Variants in EXOC2 observed in about 807,000 individuals in gnomAD.
The protein encoded by EXOC2 is SEC5-like 1.
In EXOC2, 70 loss-of-function variants were observed where a neutral mutation model predicts 131.8. That is an observed-to-expected ratio of 0.53 (90% CI 0.44 to 0.65). EXOC2 has a LOEUF of 0.65. EXOC2 is among the 30% of genes least tolerant of loss of function. EXOC2 has a pLI of 0.00. For missense variants in EXOC2, 923 were observed against 1,108.6 expected, an observed-to-expected ratio of 0.83 and a Z score of 2.38; for synonymous variants, 411 against 398.4, an observed-to-expected ratio of 1.03 and a Z score of -0.38.
intron 1 of EXOC2, among the ~76,000 whole-genome samples, chr6:680,567 T>C (rs1396494538): frequency 1.3e-5 from 2 of 152,080 alleles, no homozygotes; most frequent in Non-Finnish European, 2.9e-5. Flanking sequence ...CCACACAGAA[T>C]AGCCCACTTC....
At chr6:562,159 G>C (rs928788285) in intron 17 of EXOC2, among the ~76,000 whole-genome samples, 1 of 152,246 alleles carries the variant, frequency 6.6e-6, no homozygotes, top group Non-Finnish European at 1.5e-5. Flanking sequence ...ACGCTGCCAG[G>C]CTGCTGTGAG....
At chr6:644,444 CAT>C (rs1324764941) in intron 1 of EXOC2, among the ~76,000 whole-genome samples, 1 of 152,070 alleles carries the variant, frequency 6.6e-6, no homozygotes, top group East Asian at 1.9e-4. Flanking sequence ...CGAACAGTAA[CAT>C]AGAAAAGATA....
At chr6:626,452 G>A (rs928665856) in intron 4 of EXOC2, among the ~76,000 whole-genome samples, 2 of 152,124 alleles carry the variant, frequency 1.3e-5, no homozygotes, top group Non-Finnish European at 2.9e-5. Flanking sequence ...GACACCACAC[G>A]CAGGGCCCCT....
At chr6:592,772 T>C (rs1023065730) in intron 10 of EXOC2, among the ~76,000 whole-genome samples, 185 bp from the exon 11 acceptor site, 19 of 152,200 alleles carry the variant, frequency 1.2e-4, no homozygotes, top group African/African-American at 4.1e-4. Context: ...CTGCCTGTAA[T>C]CCCAGCACTT....
chr6:578,477 GTGA>G (rs1758708671), intron 11 of EXOC2, among the ~76,000 whole-genome samples: 1 of 152,186 alleles, frequency 6.6e-6, no homozygotes, highest in African/African-American at 2.4e-5. Context: ...GAGGTAAATA[GTGA>G]TTGTGTGGTA....
At chr6:678,204 C>A (rs1451952539) in intron 1 of EXOC2, among the ~76,000 whole-genome samples, 3 of 152,128 alleles carry the variant, frequency 2.0e-5, no homozygotes, top group Non-Finnish European at 4.4e-5. Flanking sequence ...CTTGTTCAGC[C>A]ATGGAGAGGG....
At chr6:546,548 G>C (rs568600203) in intron 22 of EXOC2, among the ~76,000 whole-genome samples, 1 of 152,226 alleles carries the variant, frequency 6.6e-6, no homozygotes, top group South Asian at 2.1e-4. Flanking sequence ...ACTTATACAC[G>C]CATTTTCTTC....
intron 23 of EXOC2, among the ~76,000 whole-genome samples, chr6:530,048 G>A (rs571132571): frequency 1.3e-5 from 2 of 152,220 alleles, no homozygotes; most frequent in African/African-American, 4.8e-5. Flanking sequence ...CTCAAATTTA[G>A]CAAGTCTATG....
At chr6:556,845 C>T (rs1757443566) in intron 17 of EXOC2, among the ~76,000 whole-genome samples, 1 of 152,164 alleles carries the variant, frequency 6.6e-6, no homozygotes, top group African/African-American at 2.4e-5. Flanking sequence ...CAAAATTCTA[C>T]TCTTCTAAGA....
At position 506,853 on chromosome 6, in the gene EXOC2, T is replaced by C. The variant is rs1217692837; in HGVS notation, c.2381-7153A>G. On this transcript the variant is annotated intron_variant, in intron 23 of 27. Coordinates refer to ENST00000230449, the MANE Select transcript of EXOC2 (RefSeq NM_018303.6). The surrounding 1 kb of genome is among the most constrained non-coding windows in gnomAD (Gnocchi z 4.4). Reference sequence around the variant, plus strand: ...ATGCATCAAAATAGTAGAGCAGCCTTCTTTCTTGGTATATTTGTCAGTTTC... The same window carrying C: ...ATGCATCAAAATAGTAGAGCAGCCTCCTTTCTTGGTATATTTGTCAGTTTC... Among the ~76,000 whole-genome samples, 2 of 152,158 alleles carry C rather than the reference T, an allele frequency of 1.3e-5. No individual in the cohort carries two copies. The highest frequency in any genetic ancestry group is 4.8e-5 in the African/African-American group (2 of 41,422).
At chr6:573,887 T>A (rs1361547591) in intron 12 of EXOC2, among the ~76,000 whole-genome samples, 1 of 152,162 alleles carries the variant, frequency 6.6e-6, no homozygotes, top group African/African-American at 2.4e-5. Context: ...TTCTGAAATA[T>A]TTTTTATATA....
chr6:528,509 G>T (rs1431509010), intron 23 of EXOC2, among the ~76,000 whole-genome samples: 1 of 152,102 alleles, frequency 6.6e-6, no homozygotes, highest in African/African-American at 2.4e-5. Context: ...ACTACACAAA[G>T]AACAGAACTA....
intron 1 of EXOC2, among the ~76,000 whole-genome samples, chr6:646,069 G>C (rs571014638): frequency 1.3e-5 from 2 of 152,172 alleles, no homozygotes; most frequent in Non-Finnish European, 2.9e-5. Context: ...CTGTTGATTT[G>C]ATTTGGGTTA....
At chr6:655,879 A>G (rs1409122475) in intron 1 of EXOC2, 4 of 399,502 alleles carry the variant, frequency 1.0e-5, no homozygotes, top group Non-Finnish European at 1.8e-5. Flanking sequence ...TAACTTTGAT[A>G]GAATCTTAAG....
chr6:603,803 C>A (rs1272730155), intron 7 of EXOC2, among the ~76,000 whole-genome samples: 1 of 152,154 alleles, frequency 6.6e-6, no homozygotes, highest in Non-Finnish European at 1.5e-5. Context: ...CATCTTTATG[C>A]TGGTGACTCC....
chr6:672,285 A>G (rs1157929685), intron 1 of EXOC2, among the ~76,000 whole-genome samples: 1 of 152,026 alleles, frequency 6.6e-6, no homozygotes, highest in East Asian at 1.9e-4. Context: ...ATTCCTTCTT[A>G]AAGTTTCCAT....
chr6:577,226 A>T (rs1758633356), intron 11 of EXOC2, among the ~76,000 whole-genome samples: 1 of 152,134 alleles, frequency 6.6e-6, no homozygotes. Context: ...TGTAGCATAA[A>T]TCTCCTCTGA....
At chr6:617,682 C>A (rs1205337561) in intron 6 of EXOC2, 29 bp downstream of exon 6, 2 of 1,600,264 alleles carry the variant, frequency 1.2e-6, no homozygotes, top group Non-Finnish European at 1.7e-6. Flanking sequence ...GCGGAAGCTG[C>A]CAGCAGATGG....
At chr6:500,323 T>C (rs1205865502) in intron 23 of EXOC2, among the ~76,000 whole-genome samples, 1 of 152,158 alleles carries the variant, frequency 6.6e-6, no homozygotes, top group Admixed American at 6.5e-5. Flanking sequence ...CTGGACAAAA[T>C]AAAACATCAG....
Sources: gnomAD v4.1 joint callset for allele counts (sites outside exome capture counted in the v4.1 genomes callset) on GRCh38, gnomAD v4.1.1 for gene constraint, Gnocchi (gnomAD v3.1) non-coding constraint, MANE v1.5 for transcripts, NCBI Gene and HGNC (gene_info 2026-07-23, HGNC 2026-07-21) for gene names.